The following COL21A1 variants were observed in gnomAD, a reference collection of about 807,000 sequenced individuals.
The protein encoded by COL21A1 is collagen type XXI alpha 1 chain, also known as collagen alpha-1(XXI) chain.
Under a neutral mutation model 137.9 loss-of-function variants are expected in COL21A1, and 149 were observed. That is an observed-to-expected ratio of 1.08 (90% confidence interval 0.95 to 1.24). COL21A1 has a LOEUF of 1.24. COL21A1 is among the 50% of genes most tolerant of loss of function. COL21A1 has a pLI of 0.00. For missense variants in COL21A1, 1,167 were observed against 1,158.4 expected, an observed-to-expected ratio of 1.01 and a Z score of -0.11; for synonymous variants, 456 against 391.5, an observed-to-expected ratio of 1.16 and a Z score of -1.95.
intron 2 of COL21A1, among the ~76,000 whole-genome samples, chr6:56,180,652 G>A (rs920768149): frequency 2.0e-5 from 3 of 152,148 alleles, no homozygotes; most frequent in African/African-American, 7.2e-5. Flanking sequence ...TTTGGTGCAA[G>A]TTACATTTGA....
chr6:56,339,030 C>T (rs1765403594), intron 1 of COL21A1, among the ~76,000 whole-genome samples: 1 of 152,174 alleles, frequency 6.6e-6, no homozygotes. Flanking sequence ...AGGAACTACT[C>T]TGTAGCATGT....
intron 17 of COL21A1, among the ~76,000 whole-genome samples, chr6:56,086,918 TTC>T (rs760568495): frequency 4.6e-5 from 7 of 152,194 alleles, no homozygotes; most frequent in Non-Finnish European, 7.3e-5. Context: ...GCATTGCTTC[TTC>T]TCTGTCTTCT....
chr6:56,183,281 T>C (rs1170673811), intron 1 of COL21A1, among the ~76,000 whole-genome samples: 1 of 152,192 alleles, frequency 6.6e-6, no homozygotes, highest in African/African-American at 2.4e-5. Flanking sequence ...ATTCATATGC[T>C]TTTTAAGCCC....
At chr6:56,093,138 C>A (rs906833527) in intron 17 of COL21A1, among the ~76,000 whole-genome samples, 4 of 151,988 alleles carry the variant, frequency 2.6e-5, no homozygotes, top group Admixed American at 1.3e-4. Flanking sequence ...CTACAAAAGA[C>A]CTTTTTTTCA....
At chr6:56,264,374 T>A (rs755978682) in intron 1 of COL21A1, among the ~76,000 whole-genome samples, 31 of 152,214 alleles carry the variant, frequency 2.0e-4, no homozygotes, top group Non-Finnish European at 2.4e-4. Flanking sequence ...CTTGTCCACC[T>A]TGGATACTAT....
chr6:56,368,009 T>C (rs1766141169), intron 1 of COL21A1, among the ~76,000 whole-genome samples: 1 of 152,224 alleles, frequency 6.6e-6, no homozygotes, highest in African/African-American at 2.4e-5. Flanking sequence ...CCACTGCACC[T>C]GGAAGAAACA....
chr6:56,313,286 A>G (rs560355890), intron 1 of COL21A1, among the ~76,000 whole-genome samples: 2 of 152,166 alleles, frequency 1.3e-5, no homozygotes, highest in East Asian at 3.9e-4. Flanking sequence ...CAGAGAACAG[A>G]CTAGTTGTTC....
intron 9 of COL21A1, among the ~76,000 whole-genome samples, chr6:56,159,835 A>G (rs1025241009): frequency 6.6e-6 from 1 of 152,072 alleles, no homozygotes; most frequent in Non-Finnish European, 1.5e-5. Context: ...AAAATTTGGC[A>G]CGGAAAAGGG....
At chr6:56,144,825 G>A (rs115385059) in intron 10 of COL21A1, among the ~76,000 whole-genome samples, 158 of 152,312 alleles carry the variant, frequency 1.0e-3, no homozygotes, top group African/African-American at 3.7e-3. Context: ...AATTGGAAAA[G>A]AACTTGCACT....
At chr6:56,378,933 T>C (rs2152351597) in intron 1 of COL21A1, among the ~76,000 whole-genome samples, 1 of 152,332 alleles carries the variant, frequency 6.6e-6, no homozygotes, top group East Asian at 1.9e-4. Context: ...CAAGAGTCTC[T>C]GGGTAATCCA....
intron 1 of COL21A1, among the ~76,000 whole-genome samples, chr6:56,344,748 G>A (rs1283077239): frequency 6.6e-6 from 1 of 152,026 alleles, no homozygotes; most frequent in Non-Finnish European, 1.5e-5. Flanking sequence ...CGTGATAGTG[G>A]GTGAGTTCTC....
Position 56,057,733 on chromosome 6 carries a change from G to A in COL21A1, c.2798C>T (p.Pro933Leu). ...KPGIQGQPGP[P>L]GICDPSLCFS... ...ACATAGTGATGGGTCGCAGATGCCTGGGGGGCCTGGTTGCCCTTGGATTCC... is the reference window on the plus strand; with the variant it reads ...ACATAGTGATGGGTCGCAGATGCCTAGGGGGCCTGGTTGCCCTTGGATTCC... Residue 933 changes from proline (P) to leucine (L), a missense_variant, in exon 30 of 30, where the codon CCA becomes CTA. Coordinates refer to ENST00000244728, the MANE Select transcript of COL21A1 (RefSeq NM_030820.4). 2 of 1,612,530 alleles carry A rather than the reference G, an allele frequency of 1.2e-6. No individual in the cohort carries two copies. Among genetic ancestry groups the A allele is most frequent in the Non-Finnish European group, 1.7e-6 (2 of 1,179,276 alleles).
intron 1 of COL21A1, among the ~76,000 whole-genome samples, chr6:56,281,718 A>C (rs1763789739): frequency 6.6e-6 from 1 of 152,140 alleles, no homozygotes. Context: ...TTGCCTCTAG[A>C]TCTCAGTTTG....
chr6:56,310,759 C>A (rs1207091052), intron 1 of COL21A1, among the ~76,000 whole-genome samples: 1 of 151,754 alleles, frequency 6.6e-6, no homozygotes, highest in Non-Finnish European at 1.5e-5. Flanking sequence ...ATATACAGAC[C>A]AAATGAAGAA....
rs539271606 is a variant in COL21A1, at chr6:56,237,396, T to C, written c.-39+9991A>G. On this transcript the variant is annotated intron_variant, in intron 1 of 29. Coordinates refer to ENST00000244728, the MANE Select transcript of COL21A1 (RefSeq NM_030820.4). ...TAACTTTATGATAAATGCTAATCCT[T>C]AGGGATAAAATGAAAGAGTAGATAA... Among the ~76,000 whole-genome samples, 36 of 152,248 alleles carry C rather than the reference T, an allele frequency of 2.4e-4. 1 individual carries two copies. In the South Asian group the frequency reaches 7.2e-3, roughly 31 times the overall value.
intron 1 of COL21A1, among the ~76,000 whole-genome samples, chr6:56,357,224 C>T (rs1005131026): frequency 1.3e-5 from 2 of 152,142 alleles, no homozygotes; most frequent in African/African-American, 4.8e-5. Context: ...ATCTACCTCA[C>T]AAGGTTATAA....
At chr6:56,337,935 G>C (rs1466622161) in intron 1 of COL21A1, among the ~76,000 whole-genome samples, 1 of 149,810 alleles carries the variant, frequency 6.7e-6, no homozygotes, top group African/African-American at 2.5e-5. Context: ...AGGAAGAAAA[G>C]GGGTTTTTTT....
chr6:56,301,729 C>T (rs948843905), intron 1 of COL21A1, among the ~76,000 whole-genome samples: 9 of 151,642 alleles, frequency 5.9e-5, no homozygotes, highest in Non-Finnish European at 1.0e-4. Context: ...TTCCATTATA[C>T]TTTAAGTTTT....
At chr6:56,337,863 A>G (rs1765364654) in intron 1 of COL21A1, among the ~76,000 whole-genome samples, 1 of 152,194 alleles carries the variant, frequency 6.6e-6, no homozygotes, top group Non-Finnish European at 1.5e-5. Flanking sequence ...TCGATTTTAA[A>G]AACATAGTTT....
Sources: allele counts gnomAD v4.1 joint callset (sites outside exome capture counted in the v4.1 genomes callset), GRCh38; gene constraint gnomAD v4.1.1; transcripts MANE v1.5; gene names NCBI Gene and HGNC (gene_info 2026-07-23, HGNC 2026-07-21).